Variants in SNX8 observed in about 807,000 individuals in gnomAD.
SNX8 encodes sorting nexin 8, also known as sorting nexin-8.
A neutral mutation model predicts 51.6 loss-of-function variants in SNX8; 25 were observed. The observed-to-expected ratio is 0.48, with a 90% CI of 0.35 to 0.68. The LOEUF (loss-of-function observed/expected upper bound fraction) is 0.68. Ranked by LOEUF, SNX8 falls within the 30% of genes least tolerant of loss-of-function variation. The pLI is 0.00. For missense variants in SNX8, 695 were observed against 624.0 expected, an observed-to-expected ratio of 1.11 and a Z score of -1.21; for synonymous variants, 324 against 277.0, an observed-to-expected ratio of 1.17 and a Z score of -1.68.
At chr7:2,257,679 A>G (rs1795224501) in intron 8 of SNX8, 56 bp downstream of exon 8, 4 of 1,593,592 alleles carry the variant, frequency 2.5e-6, no homozygotes, top group Non-Finnish European at 3.4e-6. Context: ...CCCTTGAAGG[A>G]TCCTAAGATC....
chr7:2,341,544 C>T (rs1009844276), intron 1 of SNX8, among the ~76,000 whole-genome samples: 50 of 151,810 alleles, frequency 3.3e-4, no homozygotes, highest in African/African-American at 1.2e-3. Flanking sequence ...CCATGGCTTA[C>T]ACCCACAGTC....
At chr7:2,286,080 C>T (rs1276669942) in intron 1 of SNX8, among the ~76,000 whole-genome samples, 10 of 151,098 alleles carry the variant, frequency 6.6e-5, no homozygotes, top group Admixed American at 2.7e-4. Context: ...GGCGCTATCT[C>T]GGCTCACTGC....
intron 1 of SNX8, among the ~76,000 whole-genome samples, chr7:2,344,337 G>A (rs904972589): frequency 1.3e-5 from 2 of 151,576 alleles, no homozygotes; most frequent in African/African-American, 4.8e-5. Context: ...AAAAATTATA[G>A]ACAGTGGCTC....
At chr7:2,272,080 C>G (rs1014868609) in intron 3 of SNX8, 109 bp from the exon 4 acceptor site, 1 of 1,470,344 alleles carries the variant, frequency 6.8e-7, no homozygotes, top group African/African-American at 1.4e-5. Flanking sequence ...GGCCCAGCGG[C>G]TAGCAGAGGG....
rs77986327 is a variant in SNX8, at chr7:2,310,044, G to A, written c.94+4284C>T. ...CCATGGGATGAGCCGCAAGTGAAGC[G>A]TGACTCACCCTCGTTCTAAAGAGTC... On this transcript the variant is annotated intron_variant, in intron 1 of 10. Coordinates refer to ENST00000222990, the MANE Select transcript of SNX8 (RefSeq NM_013321.4). The A allele has an allele frequency of 3.8e-3, 1,398 of 369,206 alleles. 16 individuals are homozygous for A. The highest frequency in any genetic ancestry group is 0.017 in the African/African-American group (785 of 46,920). The allele number at this position is 369,206 out of a possible 1,614,324, so 22.9% of individuals were successfully genotyped here. A position where few individuals can be genotyped will look rare whatever the true frequency, so the allele number is the denominator to read the frequency against.
At chr7:2,298,098 G>C (rs1198630258) in intron 1 of SNX8, among the ~76,000 whole-genome samples, 2 of 151,960 alleles carry the variant, frequency 1.3e-5, no homozygotes, top group Non-Finnish European at 2.9e-5. Context: ...ATGGTGCCCA[G>C]GGCCCAAGCT....
intron 1 of SNX8, among the ~76,000 whole-genome samples, chr7:2,304,120 CTG>C (rs1438930944): frequency 1.2e-4 from 18 of 144,168 alleles, no homozygotes; most frequent in Admixed American, 9.8e-4. Context: ...TGAGCCGAGA[CTG>C]TGCCACTGCA....
intron 1 of SNX8, among the ~76,000 whole-genome samples, chr7:2,309,269 C>T (rs1461567011): frequency 6.6e-6 from 1 of 152,164 alleles, no homozygotes; most frequent in Admixed American, 6.5e-5. Flanking sequence ...CCCCTGTAAT[C>T]CCAGCACTTT....
At chr7:2,298,571 T>C (rs1441268204) in intron 1 of SNX8, among the ~76,000 whole-genome samples, 2 of 151,832 alleles carry the variant, frequency 1.3e-5, no homozygotes, top group Non-Finnish European at 2.9e-5. Context: ...GGTTTCACCA[T>C]GTTGGCCAGG....
intron 7 of SNX8, among the ~76,000 whole-genome samples, chr7:2,258,080 G>C (rs1354857372): frequency 6.8e-6 from 1 of 147,972 alleles, no homozygotes; most frequent in Non-Finnish European, 1.5e-5. Flanking sequence ...GCACGATCTC[G>C]GCTCACTGCA....
chr7:2,262,037 T>C (rs1302546839), intron 7 of SNX8, among the ~76,000 whole-genome samples: 1 of 152,118 alleles, frequency 6.6e-6, no homozygotes, highest in Non-Finnish European at 1.5e-5. Context: ...CACAACTATG[T>C]CCACTTTTTT....
At chr7:2,286,867 G>A (rs1368700360) in intron 1 of SNX8, among the ~76,000 whole-genome samples, 3 of 151,896 alleles carry the variant, frequency 2.0e-5, no homozygotes, top group East Asian at 1.9e-4. Context: ...TTGGCCAGGC[G>A]AGGTGGCTCA....
intron 1 of SNX8, among the ~76,000 whole-genome samples, chr7:2,345,426 C>T (rs1006657252): frequency 2.6e-5 from 4 of 152,078 alleles, no homozygotes; most frequent in African/African-American, 9.7e-5. Context: ...ACTTGTAATC[C>T]CAGCACTTTG....
At chr7:2,348,950 CAAAAAA>C (rs60816121) in intron 1 of SNX8, among the ~76,000 whole-genome samples, 1 of 55,728 alleles carries the variant, frequency 1.8e-5, no homozygotes, top group Non-Finnish European at 3.3e-5. Flanking sequence ...GACTCTGTCT[CAAAAAA>C]AAAAAAAAAA....
intron 1 of SNX8, among the ~76,000 whole-genome samples, chr7:2,351,053 G>C (rs1406538707): frequency 2.6e-5 from 4 of 152,070 alleles, no homozygotes; most frequent in Non-Finnish European, 4.4e-5. Context: ...GGAGTTTGAG[G>C]CTGCAGTGAG....
At position 2,312,329 on chromosome 7, in the gene SNX8, G is replaced by A. The variant is rs1035393106; in HGVS notation, c.94+1999C>T. ...GGAAACACAGTCCCCTACACCTGCA[G>A]AGGACCCCTCCAGCAATGCCAAATT... On this transcript the variant is annotated intron_variant, in intron 1 of 10. Transcript: ENST00000222990. Among the ~76,000 whole-genome samples the A allele has an allele frequency of 2.0e-5, 3 of 152,114 alleles. No homozygotes were observed. The East Asian group carries it at 5.8e-4, about 29-fold the overall frequency.
At chr7:2,330,138 CTT>C (rs71023396) in intron 1 of SNX8, among the ~76,000 whole-genome samples, 128 of 107,000 alleles carry the variant, frequency 1.2e-3, no homozygotes, top group Middle Eastern at 7.0e-3. Flanking sequence ...GCCCTTTTTT[CTT>C]TTTTTTTTTT....
rs565866107 is a variant in SNX8 at position 2,350,789 on chromosome 7, G to A, written c.-66+3433C>T. Among the ~76,000 whole-genome samples, 146 of 152,152 alleles carry A rather than the reference G, an allele frequency of 9.6e-4. 2 individuals carry two copies. The highest frequency in any genetic ancestry group is 2.6e-4 in the Non-Finnish European group (18 of 68,002). On this transcript the variant is annotated intron_variant, in intron 1 of 5. Transcript: ENST00000435336. ...AGCCTCCTGAGTAGCTGGGATTACA[G>A]GCGCCTGCGGCCACACCCGGCTAAA... is the stretch of plus-strand genomic sequence containing the variant.
chr7:2,347,883 A>G (rs149577571), intron 1 of SNX8, among the ~76,000 whole-genome samples: 1 of 121,172 alleles, frequency 8.3e-6, no homozygotes, highest in Non-Finnish European at 1.8e-5. Flanking sequence ...ACCTCAGGTG[A>G]TCTGCCCGCT....
Sources: gnomAD v4.1 joint callset for allele counts (sites outside exome capture counted in the v4.1 genomes callset) on GRCh38, gnomAD v4.1.1 for gene constraint, MANE v1.5 for transcripts, NCBI Gene and HGNC (gene_info 2026-07-23, HGNC 2026-07-21) for gene names.